The following SOX5 variants were observed in gnomAD, a reference collection of about 807,000 sequenced individuals.
The protein encoded by SOX5 is transcription factor SOX-5.
In SOX5, 9 loss-of-function variants were observed where a neutral mutation model predicts 92.0. The observed-to-expected ratio is 0.10, with a 90% confidence interval of 0.06 to 0.17. The LOEUF (loss-of-function observed/expected upper bound fraction) is 0.17, where lower values mean the gene tolerates loss of function less well. SOX5 is among the 10% of genes least tolerant of loss of function. The probability of loss-of-function intolerance (pLI) is 1.00; values close to 1 mark genes in which losing one functional copy is unlikely to be tolerated. For missense variants in SOX5, 642 were observed against 944.5 expected (o/e 0.68, Z 4.20); for synonymous variants, 344 against 336.3 (o/e 1.02, Z -0.25).
rs201112988 is a variant in SOX5 at position 23,860,959 on chromosome 12, A to ACAAAC, written c.271-14767_271-14766insGTTTG. The stretch of plus-strand genomic sequence containing the variant: ...AACACAAAGTATATTTTGTAAAAAA[A>ACAAAC]AAAAAAAAAAAAAAAAAAACCCTGC... On this transcript the variant is annotated intron_variant, in intron 2 of 14. Transcript: ENST00000451604. 9.5e-3 allele frequency among the ~76,000 whole-genome samples: 1,279 copies of ACAAAC among 134,428 alleles called. 13 individuals carry two copies. Among genetic ancestry groups the ACAAAC allele is most frequent in the Non-Finnish European group, 0.016 (984 of 62,106 alleles). The allele number at this position is 134,428 out of a possible 152,430, so 88.2% of individuals were successfully genotyped here. A position where few individuals can be genotyped will look rare whatever the true frequency, so the allele number is the denominator to read the frequency against.
In SOX5 at chr12:23,669,732, T is replaced by C. The variant is rs534282622; in HGVS notation, c.811-4168A>G. The stretch of plus-strand genomic sequence containing the variant: ...GATAAAATCAAAGATAATGTTTACT[T>C]GATGTCACTCTACTTATAGTGGCAT... On this transcript the variant is annotated intron_variant, in intron 6 of 14. Transcript: ENST00000451604. 3.3e-5 allele frequency among the ~76,000 whole-genome samples: 5 copies of C among 152,306 alleles called. No homozygotes were observed. The East Asian group carries it at 9.6e-4, about 29-fold the overall frequency.
At position 24,225,438 on chromosome 12, in the gene SOX5, CAGG is replaced by C. The variant is rs1961675266; in HGVS notation, c.-76-12024_-76-12022del. Among the ~76,000 whole-genome samples, 3 of 150,346 alleles carry C rather than the reference CAGG, an allele frequency of 2.0e-5. No homozygotes were observed. In the South Asian group the frequency reaches 6.3e-4, roughly 32 times the overall value. On this transcript the variant is annotated intron_variant, in intron 3 of 4. Coordinates refer to the SOX5 transcript ENST00000446891. ...TTGAAACTTTAAAACTTTTGGGCAT[CAGG>C]AAAAGCCATTAGTTGAGTAAATTAA...
intron 4 of SOX5, among the ~76,000 whole-genome samples, chr12:23,969,655 T>A (rs1039630805): frequency 5.3e-5 from 8 of 152,234 alleles, no homozygotes; most frequent in Non-Finnish European, 1.2e-4. Flanking sequence ...TCTGAGTCAC[T>A]CTTCTTTATG....
chr12:24,394,141 C>A (rs556594786), intron 1 of SOX5, among the ~76,000 whole-genome samples: 2 of 152,222 alleles, frequency 1.3e-5, no homozygotes, highest in South Asian at 4.2e-4. Context: ...TCACACACAA[C>A]AAGGGAAGCC....
chr12:23,713,076 C>T (rs2092195728), intron 6 of SOX5, among the ~76,000 whole-genome samples: 1 of 152,034 alleles, frequency 6.6e-6, no homozygotes, highest in Admixed American at 6.6e-5. Flanking sequence ...TGGATTGGGC[C>T]CTAAATCAAA....
At chr12:23,612,825 A>G (rs558113925) in intron 8 of SOX5, among the ~76,000 whole-genome samples, 1 of 152,252 alleles carries the variant, frequency 6.6e-6, no homozygotes, top group South Asian at 2.1e-4. Flanking sequence ...TGTGAGCAAA[A>G]ATTCAGAAAG....
At chr12:23,724,519 G>C (rs1333971168) in intron 6 of SOX5, among the ~76,000 whole-genome samples, 1 of 152,088 alleles carries the variant, frequency 6.6e-6, no homozygotes, top group African/African-American at 2.4e-5. Context: ...TTCAAAGGTA[G>C]TATACTAAAT....
At chr12:23,596,846 T>C (rs1952559716) in intron 9 of SOX5, among the ~76,000 whole-genome samples, 1 of 152,202 alleles carries the variant, frequency 6.6e-6, no homozygotes, top group Non-Finnish European at 1.5e-5. Flanking sequence ...GTAGAAAATA[T>C]ATCATTTATC....
intron 3 of SOX5, among the ~76,000 whole-genome samples, chr12:24,236,830 G>C (rs918048403): frequency 6.6e-6 from 1 of 152,050 alleles, no homozygotes; most frequent in Non-Finnish European, 1.5e-5. Flanking sequence ...CATGAGTGCA[G>C]GTGAAAGTAA....
intron 2 of SOX5, among the ~76,000 whole-genome samples, chr12:24,333,042 C>A (rs551499125): frequency 1.3e-5 from 2 of 151,812 alleles, no homozygotes; most frequent in South Asian, 4.2e-4. Context: ...ACAAAAACAT[C>A]AAAACGCGAC....
At chr12:24,506,896 T>C (rs1180635746) in intron 1 of SOX5, among the ~76,000 whole-genome samples, 1 of 143,632 alleles carries the variant, frequency 7.0e-6, no homozygotes. Flanking sequence ...GTTCACACCA[T>C]TCTCCTGCCT....
intron 6 of SOX5, among the ~76,000 whole-genome samples, chr12:23,695,259 G>A (rs1341406710): frequency 2.0e-5 from 3 of 152,120 alleles, no homozygotes; most frequent in Non-Finnish European, 4.4e-5. Context: ...GCCAAAATCA[G>A]AAAGTGTAAA....
intron 1 of SOX5, among the ~76,000 whole-genome samples, chr12:24,522,220 C>T (rs1206292274): frequency 6.7e-6 from 1 of 148,812 alleles, no homozygotes; most frequent in East Asian, 2.0e-4. Flanking sequence ...GAATGAATCA[C>T]AGAGAAACAG....
At chr12:23,656,506 A>G (rs1443358824) in intron 7 of SOX5, among the ~76,000 whole-genome samples, 2 of 152,138 alleles carry the variant, frequency 1.3e-5, no homozygotes, top group Non-Finnish European at 2.9e-5. Flanking sequence ...CTAAATGTCC[A>G]TTAGTGGGGA....
At chr12:24,427,589 C>T (rs565778257) in intron 1 of SOX5, among the ~76,000 whole-genome samples, 2 of 152,266 alleles carry the variant, frequency 1.3e-5, no homozygotes, top group East Asian at 1.9e-4. Context: ...TAGTATATAT[C>T]GGCTATGCAT....
chr12:24,261,992 C>T (rs913988544), intron 3 of SOX5, among the ~76,000 whole-genome samples: 2 of 152,118 alleles, frequency 1.3e-5, no homozygotes, highest in Non-Finnish European at 2.9e-5. Flanking sequence ...ATGTTTATAT[C>T]GTTGGCTACG....
chr12:23,799,893 T>A (rs1226625879), intron 3 of SOX5, among the ~76,000 whole-genome samples: 1 of 152,052 alleles, frequency 6.6e-6, no homozygotes, highest in Non-Finnish European at 1.5e-5. Flanking sequence ...TTAGACATAA[T>A]GCATTTCACA....
intron 2 of SOX5, among the ~76,000 whole-genome samples, chr12:23,868,526 T>C (rs2096839561): frequency 6.6e-6 from 1 of 152,140 alleles, no homozygotes; most frequent in South Asian, 2.1e-4. Flanking sequence ...ATCTCTATAA[T>C]TCAACCCTAA....
chr12:24,534,567 G>A (rs1450590464), intron 1 of SOX5, among the ~76,000 whole-genome samples: 1 of 152,076 alleles, frequency 6.6e-6, no homozygotes, highest in Non-Finnish European at 1.5e-5. Context: ...ATTAACTAGA[G>A]ACTCTTAAAA....
Sources: allele counts gnomAD v4.1 joint callset (sites outside exome capture counted in the v4.1 genomes callset), GRCh38; gene constraint gnomAD v4.1.1; transcripts MANE v1.5; gene names NCBI Gene and HGNC (gene_info 2026-07-23, HGNC 2026-07-21).